TDRD9: variants seen among roughly 807,000 people sequenced by gnomAD.
TDRD9 encodes ATP-dependent RNA helicase TDRD9.
A neutral mutation model predicts 172.6 loss-of-function variants in TDRD9; 124 were observed. The ratio of observed to expected loss-of-function variants is 0.72; its 90% CI spans 0.62 to 0.83. The LOEUF is 0.83. Among genes scored for constraint, TDRD9 ranks in the 40% least tolerant of loss-of-function variants. The pLI, the probability that TDRD9 is intolerant of heterozygous loss-of-function variation, is 0.00. For missense variants in TDRD9, 1,479 were observed against 1,714.1 expected (o/e 0.86, Z 2.42); for synonymous variants, 619 against 617.1 (o/e 1.00, Z -0.05).
intron 34 of TDRD9, among the ~76,000 whole-genome samples, chr14:104,043,233 A>G (rs946950160): frequency 5.3e-5 from 8 of 150,222 alleles, no homozygotes; most frequent in African/African-American, 2.0e-4. Context: ...TATGTTGCCC[A>G]AGCTGGTAAT....
At chr14:104,025,419 A>T (rs1331373697) in intron 25 of TDRD9, 145 bp from the exon 26 acceptor site, 1 of 661,834 alleles carries the variant, frequency 1.5e-6, no homozygotes, top group African/African-American at 1.8e-5. Flanking sequence ...ACACCTGTTA[A>T]AAACCTGTAA....
chr14:103,938,166 G>T lies in TDRD9; in HGVS notation c.215+9442G>T, dbSNP rs557979254. 1.1e-4 allele frequency among the ~76,000 whole-genome samples: 16 copies of T among 152,070 alleles called. No homozygotes were observed. The South Asian group carries it at 3.3e-3, about 32-fold the overall frequency. ...CTTAGTATGTGCCTGGTGTGTAAGA[G>T]AATTACTTTAATATTATTAAATGGA... is the stretch of plus-strand genomic sequence containing the variant. On this transcript the variant is annotated intron_variant, in intron 1 of 35. Coordinates refer to ENST00000409874, the MANE Select transcript of TDRD9 (RefSeq NM_153046.3).
chr14:104,024,547 A>T, intron 24 of TDRD9, 22 bp from the exon 25 acceptor site: 2 of 1,404,678 alleles, frequency 1.4e-6, no homozygotes, highest in Non-Finnish European at 2.0e-6. Flanking sequence ...TTTTTATTTT[A>T]ATAAAAATTC....
At chr14:104,012,787 G>A (rs2034654032) in intron 20 of TDRD9, among the ~76,000 whole-genome samples, 1 of 152,044 alleles carries the variant, frequency 6.6e-6, no homozygotes, top group South Asian at 2.1e-4. Flanking sequence ...AGACTGGAAT[G>A]CAGTGGCATA....
intron 32 of TDRD9, among the ~76,000 whole-genome samples, chr14:104,039,928 A>G (rs1300983741): frequency 3.3e-5 from 5 of 152,202 alleles, no homozygotes; most frequent in Non-Finnish European, 7.3e-5. Context: ...TATTCTTTTC[A>G]TTATCTTATC....
intron 2 of TDRD9, 40 bp downstream of exon 2, chr14:103,955,810 A>G: frequency 6.8e-7 from 1 of 1,466,776 alleles, no homozygotes; most frequent in Non-Finnish European, 9.3e-7. Flanking sequence ...AGGATGCATG[A>G]GTGGTTCACA....
At chr14:103,958,478 A>G (rs2032350985) in intron 2 of TDRD9, among the ~76,000 whole-genome samples, 1 of 152,210 alleles carries the variant, frequency 6.6e-6, no homozygotes, top group African/African-American at 2.4e-5. Flanking sequence ...ACCTGTGAAT[A>G]TATCACCTTC....
At chr14:103,928,811 G>A (rs747509470) in intron 1 of TDRD9, 87 bp downstream of exon 1, 6 of 392,776 alleles carry the variant, frequency 1.5e-5, no homozygotes, top group Non-Finnish European at 2.4e-5. Context: ...TCCTTCTCGC[G>A]AGCCCGTGCC....
intron 25 of TDRD9, among the ~76,000 whole-genome samples, chr14:104,025,312 T>C (rs903387490): frequency 6.6e-6 from 1 of 152,206 alleles, no homozygotes; most frequent in Non-Finnish European, 1.5e-5. Flanking sequence ...GAACCTTTAT[T>C]TATGTAAGAA....
At chr14:104,005,182 C>T in intron 14 of TDRD9, 92 bp from the exon 15 acceptor site, 4 of 1,354,336 alleles carry the variant, frequency 3.0e-6, no homozygotes, top group Non-Finnish European at 3.1e-6. Flanking sequence ...CTCCTTCTCT[C>T]CTCCTCTTTC....
chr14:104,016,812 A>G (rs780908447), intron 22 of TDRD9, among the ~76,000 whole-genome samples: 1 of 152,184 alleles, frequency 6.6e-6, no homozygotes, highest in Non-Finnish European at 1.5e-5. Flanking sequence ...CCTTCGTGTC[A>G]TATCGTAAGG....
At position 103,931,166 on chromosome 14, in the gene TDRD9, G is replaced by A. The variant is rs867629635; in HGVS notation, c.215+2442G>A. 1.4e-4 allele frequency among the ~76,000 whole-genome samples: 21 copies of A among 152,012 alleles called. 1 individual carries two copies. The Middle Eastern group carries it at 0.014, about 98-fold the overall frequency. Reference sequence around the variant, plus strand: ...AAACAAAAATTTGCCCAGCATGGTGGTTTGTGCCTGCCGCCCCAGCTACTC... The same window carrying A: ...AAACAAAAATTTGCCCAGCATGGTGATTTGTGCCTGCCGCCCCAGCTACTC... On this transcript the variant is annotated intron_variant, in intron 1 of 35. Coordinates refer to ENST00000409874, the MANE Select transcript of TDRD9 (RefSeq NM_153046.3).
rs1004100927 is a variant in TDRD9 at position 104,011,559 on chromosome 14, C to T, written c.2106+3093C>T. ...TCAATTTTAAAAAAAATTTCAATAC[C>T]CCTGGTAGTTACTGATCCATTCTGG... On this transcript the variant is annotated intron_variant, in intron 20 of 35. Transcript: ENST00000409874. Among the ~76,000 whole-genome samples, 3 of 152,106 alleles carry T rather than the reference C, an allele frequency of 2.0e-5. No individual in the cohort carries two copies. The South Asian group carries it at 6.2e-4, about 32-fold the overall frequency.
At chr14:103,964,529 T>A (rs1464042440) in intron 3 of TDRD9, among the ~76,000 whole-genome samples, 3 of 152,100 alleles carry the variant, frequency 2.0e-5, no homozygotes, top group African/African-American at 7.2e-5. Context: ...GTTTTTGTTT[T>A]TTTGTTTGTT....
intron 5 of TDRD9, among the ~76,000 whole-genome samples, chr14:103,967,269 A>G (rs1427250347): frequency 6.7e-6 from 1 of 148,374 alleles, no homozygotes; most frequent in African/African-American, 2.5e-5. Flanking sequence ...CTGGGAGGCC[A>G]AGGTGGGTGG....
At chr14:103,967,574 G>A (rs1382200347) in intron 5 of TDRD9, among the ~76,000 whole-genome samples, 1 of 152,060 alleles carries the variant, frequency 6.6e-6, no homozygotes, top group Non-Finnish European at 1.5e-5. Context: ...CAACTGTTTA[G>A]GGTAGTGTCT....
rs369061715 is a variant in TDRD9 at position 104,022,263 on chromosome 14, G to T, written c.2539G>T (p.Val847Phe). The T allele has an allele frequency of 6.2e-7, 1 of 1,613,318 alleles. No homozygotes were observed. Residue 847 changes from valine (V) to phenylalanine (F), a missense_variant, in exon 24 of 36, where the codon GTT becomes TTT. By Grantham distance (50) the Val-to-Phe change is conservative. This residue lies in a region of TDRD9 where 1,413 missense variants were observed against 1,649.1 expected (regional missense o/e 0.86). Transcript: ENST00000409874. ...ACTAAAAGTTTCACTTGAACTCAGCGTTCATTCTGCAGAGGAAATTGAAGG... is the reference window on the plus strand; with the variant it reads ...ACTAAAAGTTTCACTTGAACTCAGCTTTCATTCTGCAGAGGAAATTGAAGG... ...SQLKVSLELS[V>F]HSAEEIEGKV...
chr14:104,052,086 T>G lies in TDRD9; in HGVS notation c.*4T>G, dbSNP rs1395237331. 1 of 1,557,192 alleles carries G rather than the reference T, an allele frequency of 6.4e-7. No homozygotes were observed. Among genetic ancestry groups the G allele is most frequent in the Non-Finnish European group, 8.7e-7 (1 of 1,148,416 alleles). ...ACTGGTTGTGCTCGGCACCTGAGCA[T>G]GTCCACAGGTGGCCTCCAGCACACC... On this transcript the variant is annotated 3_prime_UTR_variant, in exon 36 of 36. Coordinates refer to ENST00000409874, the MANE Select transcript of TDRD9 (RefSeq NM_153046.3).
intron 20 of TDRD9, among the ~76,000 whole-genome samples, chr14:104,012,224 T>C (rs949223067): frequency 3.3e-5 from 5 of 152,108 alleles, no homozygotes; most frequent in African/African-American, 9.7e-5. Context: ...GTGAACTCTT[T>C]TGTGTGGCCC....
Sources: allele counts gnomAD v4.1 joint callset (sites outside exome capture counted in the v4.1 genomes callset), GRCh38; gene constraint gnomAD v4.1.1; regional missense constraint gnomAD v4.1.1; transcripts MANE v1.5; gene names NCBI Gene and HGNC (gene_info 2026-07-23, HGNC 2026-07-21).